Variants in HS6ST2 observed in about 807,000 individuals in gnomAD.
The protein encoded by HS6ST2 is heparan-sulfate 6-O-sulfotransferase 2.
A neutral mutation model predicts 33.0 loss-of-function variants in HS6ST2; 17 were observed. The ratio of observed to expected loss-of-function variants is 0.52; its 90% confidence interval spans 0.35 to 0.77. The LOEUF (loss-of-function observed/expected upper bound fraction) is 0.77. Among genes scored for constraint, HS6ST2 ranks in the 30% least tolerant of loss-of-function variants. The pLI is 0.01. For missense variants in HS6ST2, 519 were observed against 551.7 expected, an observed-to-expected ratio of 0.94 and a Z score of 0.59; for synonymous variants, 248 against 237.1, an observed-to-expected ratio of 1.05 and a Z score of -0.42.
intron 2 of HS6ST2, among the ~76,000 whole-genome samples, chrX:132,948,975 T>C (rs189741119): frequency 3.6e-4 from 40 of 112,140 alleles, no homozygotes; most frequent in African/African-American, 1.3e-3. Flanking sequence ...CCTCACTATA[T>C]GTGCATAGAG....
chrX:132,820,988 A>G (rs1000261153), intron 2 of HS6ST2, among the ~76,000 whole-genome samples: 2 of 110,481 alleles, frequency 1.8e-5, no homozygotes, highest in Admixed American at 9.6e-5. Context: ...AGTTCCCATT[A>G]ACAAATTAGG....
chrX:132,932,589 T>C (rs2066784034), intron 2 of HS6ST2, among the ~76,000 whole-genome samples: 1 of 110,545 alleles, frequency 9.0e-6, no homozygotes, highest in African/African-American at 3.3e-5. Context: ...CAAAATATTA[T>C]GAGACACGAA....
At position 132,687,004 on chromosome X, in the gene HS6ST2, T is replaced by G. The variant is rs779851786; in HGVS notation, c.981-17805A>C. ...TCCAATGAGCCATCTTCCTTGACCC[T>G]TCAAGCTCAGTCATAGAATGTTTAG... On this transcript the variant is annotated intron_variant, in intron 3 of 4. Coordinates refer to ENST00000370833, the MANE Select transcript of HS6ST2 (RefSeq NM_001394073.1). Among the ~76,000 whole-genome samples, 21 of 112,347 alleles carry G rather than the reference T, an allele frequency of 1.9e-4. No homozygotes were observed. In the Admixed American group the frequency reaches 1.9e-3, roughly 10 times the overall value.
At chrX:132,866,349 G>A (rs1485946632) in intron 2 of HS6ST2, among the ~76,000 whole-genome samples, 1 of 102,478 alleles carries the variant, frequency 9.8e-6, no homozygotes, top group African/African-American at 3.6e-5. Flanking sequence ...TCTCTGTTTT[G>A]GTACCAGTAC....
At chrX:132,791,999 T>A (rs1295845311) in intron 2 of HS6ST2, among the ~76,000 whole-genome samples, 1 of 112,046 alleles carries the variant, frequency 8.9e-6, no homozygotes, top group African/African-American at 3.2e-5. Flanking sequence ...AAAAAAAAGT[T>A]ACACTTTCCT....
intron 2 of HS6ST2, among the ~76,000 whole-genome samples, chrX:132,717,772 G>A (rs1250512924): frequency 8.9e-6 from 1 of 111,859 alleles, no homozygotes; most frequent in Non-Finnish European, 1.9e-5. Context: ...TCCCGATGGA[G>A]GTGCTACTTT....
chrX:132,735,266 G>A (rs935814249), intron 2 of HS6ST2: 2 of 110,913 alleles, frequency 1.8e-5, no homozygotes, highest in Non-Finnish European at 3.8e-5. Context: ...AGGCTTGTAC[G>A]TGCCCAGAAT....
At chrX:132,887,690 G>C (rs188574754) in intron 2 of HS6ST2, among the ~76,000 whole-genome samples, 151 of 112,195 alleles carry the variant, frequency 1.3e-3, no homozygotes, top group African/African-American at 4.8e-3. Context: ...CACACAAAGA[G>C]CTGTATACAA....
chrX:132,767,038 C>A (rs975684343), intron 2 of HS6ST2, among the ~76,000 whole-genome samples: 3 of 111,829 alleles, frequency 2.7e-5, no homozygotes, highest in Non-Finnish European at 5.6e-5. Flanking sequence ...TTACAAAGGA[C>A]TTCTATAGCA....
chrX:132,715,464 G>C (rs961626082), intron 2 of HS6ST2, among the ~76,000 whole-genome samples: 1 of 111,529 alleles, frequency 9.0e-6, no homozygotes, highest in Non-Finnish European at 1.9e-5. Flanking sequence ...AGTTATTTCC[G>C]CAATCATAAA....
intron 2 of HS6ST2, among the ~76,000 whole-genome samples, chrX:132,868,097 A>G (rs932301350): frequency 8.9e-6 from 1 of 112,111 alleles, no homozygotes; most frequent in Non-Finnish European, 1.9e-5. Context: ...AAGGTTTACC[A>G]AGTAAATGGA....
At chrX:132,760,870 C>CA (rs1355710622) in intron 2 of HS6ST2, among the ~76,000 whole-genome samples, 1 of 110,316 alleles carries the variant, frequency 9.1e-6, no homozygotes, top group Admixed American at 9.7e-5. Context: ...AGGCGTTACA[C>CA]TTTTTTTTTC....
At chrX:132,897,249 C>G (rs1436052281) in intron 2 of HS6ST2, among the ~76,000 whole-genome samples, 1 of 107,985 alleles carries the variant, frequency 9.3e-6, no homozygotes, top group Admixed American at 1.0e-4. Context: ...AAAATAGATA[C>G]TTGGAGGTGC....
chrX:132,661,593 T>G (rs540177289), intron 4 of HS6ST2, among the ~76,000 whole-genome samples: 12 of 112,239 alleles, frequency 1.1e-4, no homozygotes, highest in African/African-American at 3.9e-4. Context: ...AACTCAATAT[T>G]GTTAAGATGT....
At chrX:132,911,149 CAA>C (rs148210404) in intron 2 of HS6ST2, among the ~76,000 whole-genome samples, 1 of 87,435 alleles carries the variant, frequency 1.1e-5, no homozygotes. Flanking sequence ...GACGCTATCT[CAA>C]AAAAAAAAAA....
intron 2 of HS6ST2, among the ~76,000 whole-genome samples, chrX:132,951,550 T>C (rs770836398): frequency 1.4e-4 from 16 of 111,954 alleles, no homozygotes; most frequent in Non-Finnish European, 2.8e-4. Flanking sequence ...TCCAATTTTA[T>C]AGATAAGACA....
chrX:132,805,932 G>A (rs1377367235), intron 2 of HS6ST2, among the ~76,000 whole-genome samples: 1 of 110,307 alleles, frequency 9.1e-6, no homozygotes, highest in Non-Finnish European at 1.9e-5. Flanking sequence ...ACATCGGCAA[G>A]GAGATATTAA....
rs769805900 is a variant in HS6ST2, at chrX:132,911,869, C to A, written c.947+44939G>T. ...AGCCAGGATGGTTGCGATCTCCTGA[C>A]CTCGTGATCTGCCTGTCTCGGCCTC... On this transcript the variant is annotated intron_variant, in intron 2 of 4. Transcript: ENST00000370833. Among the ~76,000 whole-genome samples the A allele has an allele frequency of 3.6e-5, 4 of 111,365 alleles. No individual in the cohort carries two copies. The East Asian group carries it at 8.6e-4, about 24-fold the overall frequency.
At chrX:132,869,018 AATAG>A (rs1428991574) in intron 2 of HS6ST2, among the ~76,000 whole-genome samples, 1 of 110,982 alleles carries the variant, frequency 9.0e-6, no homozygotes, top group Non-Finnish European at 1.9e-5. Flanking sequence ...AGACTAACAA[AATAG>A]ATAGAAGGCT....
Sources: gnomAD v4.1 joint callset for allele counts (sites outside exome capture counted in the v4.1 genomes callset) on GRCh38, gnomAD v4.1.1 for gene constraint, MANE v1.5 for transcripts, NCBI Gene and HGNC (gene_info 2026-07-23, HGNC 2026-07-21) for gene names.